Variants in CYFIP1 observed in about 807,000 individuals in gnomAD.
CYFIP1 encodes the protein cytoplasmic FMR1-interacting protein 1.
Under a neutral mutation model 163.5 loss-of-function variants are expected in CYFIP1, and 58 were observed. The observed-to-expected ratio is 0.35, with a 90% CI of 0.29 to 0.44. The LOEUF (loss-of-function observed/expected upper bound fraction) is 0.44, where lower values mean the gene tolerates loss of function less well. Ranked by LOEUF, CYFIP1 falls within the 20% of genes least tolerant of loss-of-function variation. The probability of loss-of-function intolerance (pLI) is 1.00; values close to 1 mark genes in which losing one functional copy is unlikely to be tolerated. For synonymous variants in CYFIP1, 663 were observed against 660.7 expected, an observed-to-expected ratio of 1.00 and a Z score of -0.05; for missense variants, 1,338 against 1,653.8, an observed-to-expected ratio of 0.81 and a Z score of 3.31.
chr15:22,914,697 G>A, intron 17 of CYFIP1, 29 bp downstream of exon 17: 2 of 1,588,292 alleles, frequency 1.3e-6, no homozygotes, highest in South Asian at 2.3e-5. Flanking sequence ...CACACACAAA[G>A]GCTGGAGACA....
At chr15:22,957,033 A>C (rs2062485257) in intron 1 of CYFIP1, among the ~76,000 whole-genome samples, 1 of 152,252 alleles carries the variant, frequency 6.6e-6, no homozygotes, top group Admixed American at 6.5e-5. Context: ...AATGTGGAGA[A>C]GCCACAATCC....
intron 8 of CYFIP1, among the ~76,000 whole-genome samples, chr15:22,937,717 G>T (rs942422935): frequency 9.3e-5 from 14 of 151,086 alleles, no homozygotes; most frequent in African/African-American, 3.2e-4. Context: ...TCCTGCCTCA[G>T]CCTCCCAAGT....
At chr15:22,892,671 C>T (rs1464172467) in intron 23 of CYFIP1, among the ~76,000 whole-genome samples, 5 of 152,150 alleles carry the variant, frequency 3.3e-5, no homozygotes, top group South Asian at 2.1e-4. Flanking sequence ...ACTACGTACG[C>T]GCTAGTTCTA....
chr15:22,879,145 A>AG (rs1555396796), intron 26 of CYFIP1, among the ~76,000 whole-genome samples: 4 of 151,684 alleles, frequency 2.6e-5, no homozygotes, highest in Non-Finnish European at 2.9e-5. Flanking sequence ...CAAAAAAAAA[A>AG]AAAAAGAAAA....
intron 21 of CYFIP1, 73 bp from the exon 22 acceptor site, chr15:22,903,978 C>T: frequency 1.4e-6 from 2 of 1,382,786 alleles, no homozygotes; most frequent in Non-Finnish European, 2.0e-6. Flanking sequence ...GGCCTCTGAT[C>T]CCACCCAGGC....
At chr15:22,958,006 A>G (rs925004506) in intron 1 of CYFIP1, among the ~76,000 whole-genome samples, 1 of 152,242 alleles carries the variant, frequency 6.6e-6, no homozygotes, top group South Asian at 2.1e-4. Context: ...TGCAGCACAG[A>G]AACAGGCTGT....
At chr15:22,976,853 T>C (rs144001558) in intron 1 of CYFIP1, among the ~76,000 whole-genome samples, 110 of 152,258 alleles carry the variant, frequency 7.2e-4, no homozygotes, top group African/African-American at 2.6e-3. Flanking sequence ...GCTTGTATAG[T>C]GTTGACTTTG....
chr15:22,919,078 G>A (rs1480958785), intron 13 of CYFIP1, among the ~76,000 whole-genome samples: 1 of 152,170 alleles, frequency 6.6e-6, no homozygotes, highest in African/African-American at 2.4e-5. Context: ...GCACCTGGAG[G>A]ACAGGGATGC....
chr15:22,963,797 G>A (rs1398021838), intron 1 of CYFIP1, among the ~76,000 whole-genome samples: 3 of 152,230 alleles, frequency 2.0e-5, no homozygotes, highest in South Asian at 2.1e-4. Flanking sequence ...CCAGAGTCAC[G>A]CACTCCTGGG....
Position 22,918,910 on chromosome 15 carries a change from C to A in CYFIP1, c.1360-52G>T, listed in dbSNP as rs372168576. 74 of 1,433,142 alleles carry A rather than the reference C, an allele frequency of 5.2e-5. No individual in the cohort carries two copies. The African/African-American group carries it at 5.4e-4, about 10-fold the overall frequency. 88.8% of individuals were successfully genotyped at this position (1,433,142 alleles called of 1,614,324 possible). On this transcript the variant is annotated intron_variant, in intron 13 of 30. Coordinates refer to ENST00000617928, the MANE Select transcript of CYFIP1 (RefSeq NM_014608.6). The stretch of plus-strand genomic sequence containing the variant: ...GCCCTTCTTAGGGATGGCACCAAGC[C>A]TCCTCTGCCTGGCACATGCCGGGGG...
At chr15:22,894,879 T>TA (rs199946105) in intron 22 of CYFIP1, among the ~76,000 whole-genome samples, 3,662 of 103,358 alleles carry the variant, frequency 0.035, 40 homozygotes, top group African/African-American at 0.069. Context: ...ATATATATAT[T>TA]TTTTTTTTTT....
intron 1 of CYFIP1, among the ~76,000 whole-genome samples, chr15:22,950,477 A>G (rs1160568394): frequency 6.6e-6 from 1 of 151,324 alleles, no homozygotes; most frequent in African/African-American, 2.4e-5. Context: ...AGCTTCCTTC[A>G]CGTTACACTA....
intron 1 of CYFIP1, chr15:22,951,222 A>T: frequency 1.4e-6 from 1 of 691,366 alleles, no homozygotes; most frequent in Non-Finnish European, 1.9e-6. Flanking sequence ...AGCCACCTGG[A>T]CCTCCCCGAC....
chr15:22,936,489 C>T (rs987574621), intron 9 of CYFIP1, among the ~76,000 whole-genome samples: 3 of 152,160 alleles, frequency 2.0e-5, no homozygotes, highest in African/African-American at 7.2e-5. Context: ...TCCCCCCACC[C>T]CAAAAAGGCA....
At position 22,870,019 on chromosome 15, in the gene CYFIP1, C is replaced by G. The variant is rs372778809; in HGVS notation, c.*9G>C. The G allele has an allele frequency of 1.3e-6, 2 of 1,593,488 alleles. No individual in the cohort carries two copies. The highest frequency in any genetic ancestry group is 1.7e-6 in the Non-Finnish European group (2 of 1,173,122). On this transcript the variant is annotated 3_prime_UTR_variant, in exon 31 of 31. Coordinates refer to ENST00000617928, the MANE Select transcript of CYFIP1 (RefSeq NM_014608.6). ...TGCCATGTTGAGTTACGGAGTGCAGCGCGTGCCCTCAGCTGCTGGCGAGGG... is the reference window on the plus strand; with the variant it reads ...TGCCATGTTGAGTTACGGAGTGCAGGGCGTGCCCTCAGCTGCTGGCGAGGG...
At position 22,939,335 on chromosome 15, in the gene CYFIP1, AAG is replaced by A. The variant is rs1284482688; in HGVS notation, c.667-17_667-16del. The stretch of plus-strand genomic sequence containing the variant: ...TGCTGCAGAGACTGAAACACAGAGC[AAG>A]AGACTCATGCATGGGCCCGGCGCCC... On this transcript the variant is annotated splice_polypyrimidine_tract_variant and intron_variant, in intron 7 of 30. Transcript: ENST00000617928. 1 of 1,614,156 alleles carries A rather than the reference AAG, an allele frequency of 6.2e-7. No homozygotes were observed. Among genetic ancestry groups the A allele is most frequent in the African/African-American group, 1.3e-5 (1 of 75,038 alleles).
At chr15:22,915,853 C>T (rs984339878) in intron 16 of CYFIP1, among the ~76,000 whole-genome samples, 69 of 152,244 alleles carry the variant, frequency 4.5e-4, no homozygotes, top group African/African-American at 1.2e-3. Context: ...GTCTGTCTAA[C>T]GCAAAAATGA....
At chr15:22,872,570 C>T (rs2059468212) in intron 30 of CYFIP1, 1 of 429,288 alleles carries the variant, frequency 2.3e-6, no homozygotes, top group Non-Finnish European at 4.2e-6. Context: ...AATATTCTGA[C>T]AATGCAGATC....
intron 30 of CYFIP1, among the ~76,000 whole-genome samples, chr15:22,871,155 T>G (rs894262428): frequency 6.6e-6 from 1 of 152,150 alleles, no homozygotes; most frequent in Admixed American, 6.5e-5. Context: ...AATGCACATC[T>G]TGGGGGAAAG....
Sources: allele counts gnomAD v4.1 joint callset (sites outside exome capture counted in the v4.1 genomes callset), GRCh38; gene constraint gnomAD v4.1.1; transcripts MANE v1.5; gene names NCBI Gene and HGNC (gene_info 2026-07-23, HGNC 2026-07-21).